Variants in DOCK7 observed in about 807,000 individuals in gnomAD.
DOCK7 encodes the protein dedicator of cytokinesis protein 7.
A neutral mutation model predicts 271.0 loss-of-function variants in DOCK7; 138 were observed. The observed-to-expected ratio is 0.51, with a 90% CI of 0.44 to 0.59. The LOEUF is 0.59. Among genes scored for constraint, DOCK7 ranks in the 20% least tolerant of loss-of-function variants. The probability of loss-of-function intolerance (pLI) is 0.00; values close to 1 mark genes in which losing one functional copy is unlikely to be tolerated. For synonymous variants in DOCK7, 823 were observed against 876.1 expected (o/e 0.94, Z 1.07); for missense variants, 2,066 against 2,592.4 (o/e 0.80, Z 4.41).
At chr1:62,509,828 T>A (rs1644429637) in intron 34 of DOCK7, among the ~76,000 whole-genome samples, 1 of 152,128 alleles carries the variant, frequency 6.6e-6, no homozygotes, top group South Asian at 2.1e-4. Flanking sequence ...CTTGGGCTGA[T>A]GATGGTTCTC....
intron 21 of DOCK7, 131 bp from the exon 22 acceptor site, chr1:62,553,032 CTTTTTTTTTT>C (rs66892340): frequency 6.2e-6 from 1 of 161,410 alleles, no homozygotes; most frequent in Non-Finnish European, 9.4e-6. Flanking sequence ...AAAAAATATA[CTTTTTTTTTT>C]TTTTTTTTTT....
rs551285346 is a variant in DOCK7 at position 62,671,576 on chromosome 1, C to G, written c.39-8446G>C. On this transcript the variant is annotated intron_variant, in intron 1 of 49. Coordinates refer to ENST00000635253, the MANE Select transcript of DOCK7 (RefSeq NM_001367561.1). ...AGACTACCTAGTACTTTCAAAACACCTTTTAGAGTAAACCAATTCATAAGT... is the reference window on the plus strand; with the variant it reads ...AGACTACCTAGTACTTTCAAAACACGTTTTAGAGTAAACCAATTCATAAGT... 4.6e-5 allele frequency among the ~76,000 whole-genome samples: 7 copies of G among 152,154 alleles called. 1 individual carries two copies. The East Asian group carries it at 1.2e-3, about 25-fold the overall frequency.
At chr1:62,516,644 G>A (rs1056424564) in intron 31 of DOCK7, among the ~76,000 whole-genome samples, 8 of 152,096 alleles carry the variant, frequency 5.3e-5, no homozygotes, top group African/African-American at 1.7e-4. Flanking sequence ...AGAGCTTCAC[G>A]ATTACTCTCT....
At chr1:62,515,086 C>G (rs1485955640) in intron 31 of DOCK7, among the ~76,000 whole-genome samples, 2 of 151,350 alleles carry the variant, frequency 1.3e-5, no homozygotes, top group Non-Finnish European at 2.9e-5. Flanking sequence ...AGTTATTTAT[C>G]CTTCACAATC....
At position 62,578,876 on chromosome 1, in the gene DOCK7, A is replaced by G; in HGVS notation, c.1962T>C (p.Ser654=). The G allele has an allele frequency of 6.2e-7, 1 of 1,609,584 alleles. No individual in the cohort carries two copies. The highest frequency in any genetic ancestry group is 8.5e-7 in the Non-Finnish European group (1 of 1,178,430). Residue 654 remains serine (S), a synonymous_variant, in exon 17 of 50, where the codon AGT becomes AGC. Transcript: ENST00000635253. ...GAGGAGTATTTTGTTTTTGTTGACA[A>G]CTAACATGATAAAAAGTAAAAAGCA... The part of the protein sequence containing the change: ...HHLLFTFYHV[S]CQQKQNTPLE...
rs934293353 is a variant in DOCK7, at chr1:62,496,560, T to A, written c.4765-63A>T. ...GAAAAGCTTTAAAAAGTCTGCTATTTTTCCTTGCTAAAAGTATATTTAGTG... is the reference window on the plus strand; with the variant it reads ...GAAAAGCTTTAAAAAGTCTGCTATTATTCCTTGCTAAAAGTATATTTAGTG... On this transcript the variant is annotated intron_variant, in intron 37 of 49. Transcript: ENST00000635253. 6 of 1,468,010 alleles carry A rather than the reference T, an allele frequency of 4.1e-6. No homozygotes were observed. The African/African-American group carries it at 7.2e-5, about 18-fold the overall frequency. The allele number at this position is 1,468,010 out of a possible 1,614,324, so 90.9% of individuals were successfully genotyped here. A position where few individuals can be genotyped will look rare whatever the true frequency, so the allele number is the denominator to read the frequency against.
At chr1:62,646,719 G>T (rs747314172) in intron 7 of DOCK7, among the ~76,000 whole-genome samples, 57 of 152,184 alleles carry the variant, frequency 3.7e-4, no homozygotes, top group Non-Finnish European at 6.8e-4. Context: ...TACTGTGTCA[G>T]CTACGCATTC....
At chr1:62,566,481 ACTGG>A (rs1225876419) in intron 18 of DOCK7, among the ~76,000 whole-genome samples, 1 of 152,210 alleles carries the variant, frequency 6.6e-6, no homozygotes, top group Non-Finnish European at 1.5e-5. Flanking sequence ...TGTTGGGAAA[ACTGG>A]CTAGTCATAT....
chr1:62,666,430 A>C (rs1035007181), intron 1 of DOCK7, among the ~76,000 whole-genome samples: 1 of 152,198 alleles, frequency 6.6e-6, no homozygotes, highest in Non-Finnish European at 1.5e-5. Flanking sequence ...CCAAAAAAGA[A>C]AATCTATTAA....
At position 62,586,190 on chromosome 1, in the gene DOCK7, T is replaced by C. The variant is rs545395818; in HGVS notation, c.1800+317A>G. ...AAAGTACAGAAAAGATATCTCTACT[T>C]TGATAGAGTTCTCTAGGTGATCTAA... On this transcript the variant is annotated intron_variant, in intron 15 of 49. Transcript: ENST00000635253. 2.4e-4 allele frequency among the ~76,000 whole-genome samples: 37 copies of C among 152,268 alleles called. No individual in the cohort carries two copies. In the South Asian group the frequency reaches 7.7e-3, roughly 31 times the overall value.
intron 15 of DOCK7, 63 bp downstream of exon 15, chr1:62,586,444 G>T: frequency 7.8e-7 from 1 of 1,279,448 alleles, no homozygotes; most frequent in South Asian, 1.4e-5. Flanking sequence ...CAACCAAAGA[G>T]AAAGAAAAAA....
At chr1:62,535,725 A>G (rs993642345) in intron 28 of DOCK7, 93 bp from the exon 29 acceptor site, 48 of 1,304,286 alleles carry the variant, frequency 3.7e-5, no homozygotes, top group Non-Finnish European at 4.3e-5. Flanking sequence ...ACTTTTTCCC[A>G]GGGTAGTTTA....
At chr1:62,595,881 A>T (rs909728206) in intron 14 of DOCK7, among the ~76,000 whole-genome samples, 1 of 152,160 alleles carries the variant, frequency 6.6e-6, no homozygotes, top group Non-Finnish European at 1.5e-5. Flanking sequence ...GTGAGCTATG[A>T]TCATGCCACT....
Position 62,475,693 on chromosome 1 carries a change from A to G in DOCK7, c.5961+14T>C, listed in dbSNP as rs1248882137. The G allele has an allele frequency of 6.2e-7, 1 of 1,610,782 alleles. No individual in the cohort carries two copies. Among genetic ancestry groups the G allele is most frequent in the South Asian group, 1.1e-5 (1 of 90,912 alleles). ...TTTGCTTCACTAATGCTGTTTGCCC[A>G]TTAATGGACTTACCTCTTCTTTATG... is the stretch of plus-strand genomic sequence containing the variant. On this transcript the variant is annotated intron_variant, in intron 46 of 49. Transcript: ENST00000635253.
At chr1:62,630,188 C>T (rs1654444828) in intron 11 of DOCK7, among the ~76,000 whole-genome samples, 1 of 152,090 alleles carries the variant, frequency 6.6e-6, no homozygotes, top group Non-Finnish European at 1.5e-5. Flanking sequence ...AACTTCTAGC[C>T]CATCCAGTGA....
At chr1:62,606,928 C>A (rs569470476) in intron 14 of DOCK7, among the ~76,000 whole-genome samples, 1 of 152,158 alleles carries the variant, frequency 6.6e-6, no homozygotes, top group Non-Finnish European at 1.5e-5. Flanking sequence ...AAATAAAAGG[C>A]CAGGCACGGT....
At chr1:62,548,448 T>G (rs1027767930) in intron 22 of DOCK7, among the ~76,000 whole-genome samples, 2 of 143,482 alleles carry the variant, frequency 1.4e-5, no homozygotes, top group Non-Finnish European at 3.0e-5. Flanking sequence ...TGAGACAGAG[T>G]CTAGCTCTGT....
chr1:62,670,750 C>G (rs1295195960), intron 1 of DOCK7, among the ~76,000 whole-genome samples: 1 of 152,108 alleles, frequency 6.6e-6, no homozygotes, highest in Non-Finnish European at 1.5e-5. Context: ...AATCAGCGCC[C>G]TGACAAAACA....
At chr1:62,627,457 C>G (rs115813626) in intron 11 of DOCK7, 1 of 151,980 alleles carries the variant, frequency 6.6e-6, no homozygotes, top group East Asian at 1.9e-4. Context: ...GCAGATGACA[C>G]GGTTTTGTAT....
Sources: allele counts gnomAD v4.1 joint callset (sites outside exome capture counted in the v4.1 genomes callset), GRCh38; gene constraint gnomAD v4.1.1; transcripts MANE v1.5; gene names NCBI Gene and HGNC (gene_info 2026-07-23, HGNC 2026-07-21).